ACER3: variants seen among roughly 807,000 people sequenced by gnomAD.
The protein encoded by ACER3 is alkaline ceramidase 3.
A neutral mutation model predicts 48.9 loss-of-function variants in ACER3; 16 were observed. The ratio of observed to expected loss-of-function variants is 0.33; its 90% CI spans 0.22 to 0.50. The LOEUF (loss-of-function observed/expected upper bound fraction) is 0.50, where lower values mean the gene tolerates loss of function less well. Among genes scored for constraint, ACER3 ranks in the 20% least tolerant of loss-of-function variants. ACER3 has a pLI of 0.98. For missense variants in ACER3, 227 were observed against 326.0 expected, an observed-to-expected ratio of 0.70 and a Z score of 2.34; for synonymous variants, 109 against 107.8, an observed-to-expected ratio of 1.01 and a Z score of -0.07.
intron 7 of ACER3, among the ~76,000 whole-genome samples, chr11:77,012,937 C>G (rs542335367): frequency 9.9e-4 from 151 of 152,214 alleles, no homozygotes; most frequent in Middle Eastern, 6.8e-3. Flanking sequence ...AAATATAAAT[C>G]AATAGAACAT....
chr11:76,923,939 T>C (rs1352507695), intron 1 of ACER3, among the ~76,000 whole-genome samples: 1 of 152,216 alleles, frequency 6.6e-6, no homozygotes, highest in Non-Finnish European at 1.5e-5. Context: ...AGTCTTCTGC[T>C]GAATAGTTAG....
intron 2 of ACER3, among the ~76,000 whole-genome samples, chr11:76,944,951 G>A (rs1565192010): frequency 6.6e-6 from 1 of 150,430 alleles, no homozygotes. Flanking sequence ...CAAAAGACCT[G>A]TCTTCAAGTT....
chr11:77,009,676 T>C (rs1555021712), intron 7 of ACER3, among the ~76,000 whole-genome samples: 2 of 152,100 alleles, frequency 1.3e-5, no homozygotes, highest in African/African-American at 4.8e-5. Context: ...GTAGGTGTGG[T>C]GGCACATACC....
intron 1 of ACER3, among the ~76,000 whole-genome samples, chr11:76,870,538 A>C (rs1266967719): frequency 6.6e-6 from 1 of 152,096 alleles, no homozygotes; most frequent in Non-Finnish European, 1.5e-5. Flanking sequence ...TCTCTTCAAG[A>C]CCCTAAAGGT....
chr11:76,872,242 AT>A (rs1187309166), intron 1 of ACER3, among the ~76,000 whole-genome samples: 3 of 151,902 alleles, frequency 2.0e-5, no homozygotes, highest in Non-Finnish European at 4.4e-5. Flanking sequence ...ACCCCCGCTA[AT>A]TTTTATATTT....
rs10555039 is a variant in ACER3 at position 76,958,183 on chromosome 11, C to CTT, written c.215-777_215-776dup. On this transcript the variant is annotated intron_variant, in intron 2 of 10. Transcript: ENST00000532485. ...AATTCAACATGATTTTTATTAGCAA[C>CTT]TTTTTTTTTTTTTTTTTTTTGAGAC... Among the ~76,000 whole-genome samples the CTT allele has an allele frequency of 7.4e-4, 93 of 125,874 alleles. 1 individual carries two copies. The highest frequency in any genetic ancestry group is 1.3e-3 in the Admixed American group (15 of 11,744). The allele number at this position is 125,874 out of a possible 152,430, so 82.6% of individuals were successfully genotyped here.
intron 3 of ACER3, among the ~76,000 whole-genome samples, chr11:76,964,684 C>T (rs889264748): frequency 4.6e-5 from 7 of 151,316 alleles, no homozygotes; most frequent in Non-Finnish European, 8.8e-5. Context: ...GCCACCACTG[C>T]TGATACCCAG....
At chr11:76,872,912 T>TC (rs1173843909) in intron 1 of ACER3, among the ~76,000 whole-genome samples, 4 of 29,318 alleles carry the variant, frequency 1.4e-4, no homozygotes, top group African/African-American at 2.5e-4. Flanking sequence ...TTTCTTTTTC[T>TC]TTTTTTTTTT....
At chr11:76,863,986 A>T (rs1300799770) in intron 1 of ACER3, among the ~76,000 whole-genome samples, 1 of 152,238 alleles carries the variant, frequency 6.6e-6, no homozygotes, top group Non-Finnish European at 1.5e-5. Context: ...ATGAAATACT[A>T]TGCTATCACA....
intron 2 of ACER3, among the ~76,000 whole-genome samples, chr11:76,935,370 T>C (rs1008151327): frequency 2.0e-5 from 3 of 152,182 alleles, no homozygotes; most frequent in Non-Finnish European, 4.4e-5. Context: ...AAAAAGACTT[T>C]AATATGTATA....
At chr11:76,864,874 C>T (rs1204487499) in intron 1 of ACER3, among the ~76,000 whole-genome samples, 1 of 150,854 alleles carries the variant, frequency 6.6e-6, no homozygotes, top group Non-Finnish European at 1.5e-5. Context: ...GCTGGGATTA[C>T]AGGCGTGAAC....
intron 3 of ACER3, chr11:76,959,235 A>G (rs1816120130): frequency 2.8e-6 from 4 of 1,431,502 alleles, no homozygotes; most frequent in Admixed American, 2.5e-5. Context: ...CAAATAGTAT[A>G]GGGCTTTTTG....
At chr11:76,995,183 A>T (rs1441074423) in intron 6 of ACER3, among the ~76,000 whole-genome samples, 1 of 152,198 alleles carries the variant, frequency 6.6e-6, no homozygotes, top group East Asian at 1.9e-4. Context: ...ATGTCCTTCC[A>T]CTTGCCCCTC....
At chr11:76,956,138 C>T (rs1947833430) in intron 2 of ACER3, among the ~76,000 whole-genome samples, 2 of 152,180 alleles carry the variant, frequency 1.3e-5, no homozygotes, top group African/African-American at 4.8e-5. Flanking sequence ...GATGTTTGCA[C>T]ACCTCTGAAT....
At chr11:77,009,612 C>T (rs1419496765) in intron 7 of ACER3, among the ~76,000 whole-genome samples, 1 of 152,126 alleles carries the variant, frequency 6.6e-6, no homozygotes, top group Non-Finnish European at 1.5e-5. Context: ...GCATTCAAGA[C>T]CAACCTGGCA....
At chr11:76,890,953 A>T (rs1420148205) in intron 1 of ACER3, among the ~76,000 whole-genome samples, 2 of 151,896 alleles carry the variant, frequency 1.3e-5, no homozygotes, top group Non-Finnish European at 2.9e-5. Context: ...CCCTGTCTCT[A>T]CCAAAAAATA....
intron 1 of ACER3, among the ~76,000 whole-genome samples, chr11:76,864,919 A>ATTT (rs34901215): frequency 4.4e-4 from 51 of 115,918 alleles, no homozygotes; most frequent in African/African-American, 1.5e-3. Context: ...TTTTAAATTA[A>ATTT]TTTTTTTTTT....
intron 1 of ACER3, among the ~76,000 whole-genome samples, chr11:76,919,458 C>T (rs868583682): frequency 2.0e-5 from 3 of 152,100 alleles, no homozygotes; most frequent in Non-Finnish European, 4.4e-5. Context: ...ATTACTGTAA[C>T]GTCAGTCTTG....
chr11:76,949,303 T>C (rs921485355), intron 2 of ACER3, among the ~76,000 whole-genome samples: 1 of 152,192 alleles, frequency 6.6e-6, no homozygotes, highest in Non-Finnish European at 1.5e-5. Context: ...GTATCTGTCT[T>C]CACTTTGGAC....
Sources: allele counts gnomAD v4.1 joint callset (sites outside exome capture counted in the v4.1 genomes callset), GRCh38; gene constraint gnomAD v4.1.1; transcripts MANE v1.5; gene names NCBI Gene and HGNC (gene_info 2026-07-23, HGNC 2026-07-21).